SPATA3: variants seen among roughly 807,000 people sequenced by gnomAD.
SPATA3 encodes spermatogenesis-associated protein 3.
In SPATA3, 6 loss-of-function variants were observed where a neutral mutation model predicts 5.7. That is an observed-to-expected ratio of 1.06 (90% CI 0.58 to 2.09). The LOEUF is 2.09. SPATA3 is among the 30% of genes most tolerant of loss of function. SPATA3 has a pLI of 0.00. For missense variants in SPATA3, 155 were observed against 130.4 expected, an observed-to-expected ratio of 1.19 and a Z score of -0.92; for synonymous variants, 44 against 48.4, an observed-to-expected ratio of 0.91 and a Z score of 0.37.
intron 6 of SPATA3, among the ~76,000 whole-genome samples, chr2:231,019,127 T>C (rs1176029747): frequency 7.7e-5 from 8 of 103,942 alleles, no homozygotes; most frequent in Non-Finnish European, 1.4e-4. Context: ...CCACAACGCT[T>C]GGCTAATTTT....
At chr2:231,010,220 G>A (rs773775232), downstream of SPATA3, among the ~76,000 whole-genome samples, 4 of 152,230 alleles carry the variant, frequency 2.6e-5, no homozygotes, top group Non-Finnish European at 4.4e-5. Context: ...ACACATGGGA[G>A]CCTTCAGAAT....
intron 1 of SPATA3, chr2:230,996,129 GC>G: frequency 8.0e-7 from 1 of 1,254,322 alleles, no homozygotes; most frequent in Admixed American, 2.8e-5. Context: ...CCAGCTGGAG[GC>G]CCAAGCCAGG....
chr2:231,010,333 A>G (rs575830601), downstream of SPATA3, among the ~76,000 whole-genome samples: 7 of 152,340 alleles, frequency 4.6e-5, no homozygotes, highest in South Asian at 1.5e-3. Context: ...ATCTAATGCT[A>G]ATAGACTATG....
intron 2 of SPATA3, among the ~76,000 whole-genome samples, chr2:231,001,031 C>T (rs955634057): frequency 6.6e-6 from 1 of 152,204 alleles, no homozygotes; most frequent in Non-Finnish European, 1.5e-5. Flanking sequence ...CTCCTCCACA[C>T]AATAGCAAGA....
At chr2:231,000,480 C>G (rs1339040207) in exon 2 of SPATA3, 1 of 1,550,036 alleles carries the variant, frequency 6.5e-7, no homozygotes, top group Non-Finnish European at 8.7e-7. Context: ...GTCCTTCTGC[C>G]TCGGGACTGG....
downstream of SPATA3, among the ~76,000 whole-genome samples, chr2:231,011,857 C>T (rs1189641304): frequency 6.6e-6 from 1 of 152,322 alleles, no homozygotes; most frequent in African/African-American, 2.4e-5. Flanking sequence ...GCTCTGGCTT[C>T]GCTGGGAAAC....
At chr2:231,000,483 G>T in exon 2 of SPATA3, 2 of 1,549,422 alleles carry the variant, frequency 1.3e-6, no homozygotes, top group Non-Finnish European at 1.7e-6. Context: ...CTTCTGCCTC[G>T]GGACTGGCAG....
downstream of SPATA3, among the ~76,000 whole-genome samples, chr2:231,004,417 G>C (rs11679650): frequency 0.014 from 2,201 of 152,214 alleles, 24 homozygotes; most frequent in Non-Finnish European, 0.02. Context: ...TAGAGCTGCC[G>C]GCTCCTTTCT....
At chr2:231,005,257 CATCATTACCATCAT>C, downstream of SPATA3, among the ~76,000 whole-genome samples, 1 of 120,036 alleles carries the variant, frequency 8.3e-6, no homozygotes, top group Non-Finnish European at 1.8e-5. Context: ...TCACCACCAT[CATCATTACCATCAT>C]CACCATCACC....
intron 2 of SPATA3, among the ~76,000 whole-genome samples, chr2:231,001,924 C>A (rs960083126): frequency 6.6e-6 from 1 of 152,208 alleles, no homozygotes; most frequent in Non-Finnish European, 1.5e-5. Flanking sequence ...TTCCTGTCAA[C>A]AGCATGTGAG....
At chr2:231,005,496 C>T (rs201919244), downstream of SPATA3, among the ~76,000 whole-genome samples, 23 of 52,850 alleles carry the variant, frequency 4.4e-4, no homozygotes, top group East Asian at 6.6e-4. Context: ...ACCATCACCA[C>T]CATCATCACC....
At chr2:230,997,768 T>A (rs528161929) in intron 1 of SPATA3, among the ~76,000 whole-genome samples, 7 of 152,210 alleles carry the variant, frequency 4.6e-5, no homozygotes, top group African/African-American at 1.7e-4. Context: ...TCAAGTGGAG[T>A]TCAGGAGGTG....
rs367718469 is a variant in SPATA3 at position 230,996,243 on chromosome 2, G to C, written c.791-4123G>C. 202 of 1,550,554 alleles carry C rather than the reference G, an allele frequency of 1.3e-4. 1 individual carries two copies. Among genetic ancestry groups the C allele is most frequent in the South Asian group, 4.6e-4 (39 of 83,982 alleles). On this transcript the variant is annotated intron_variant, in intron 1 of 2. Transcript: ENST00000645363. Reference sequence around the variant, plus strand: ...GTTGGGAGGATCTACCATGAAGAAGGTCAAGAAGAAAAGGTCAGAGGCCAG... The same window carrying C: ...GTTGGGAGGATCTACCATGAAGAAGCTCAAGAAGAAAAGGTCAGAGGCCAG...
At chr2:231,005,097 TCATCAC>T (rs1574664032), downstream of SPATA3, among the ~76,000 whole-genome samples, 4 of 14,514 alleles carry the variant, frequency 2.8e-4, no homozygotes, top group East Asian at 7.3e-3. Context: ...ATCACCATCC[TCATCAC>T]CATCACCATC....
intron 6 of SPATA3, among the ~76,000 whole-genome samples, chr2:231,019,108 A>G (rs112483840): frequency 1.4e-5 from 2 of 146,358 alleles, no homozygotes; most frequent in African/African-American, 5.1e-5. Context: ...CTGCGACTAC[A>G]GGCGCCCGCC....
downstream of SPATA3, among the ~76,000 whole-genome samples, chr2:231,009,671 G>T (rs1028797559): frequency 6.6e-6 from 1 of 152,210 alleles, no homozygotes; most frequent in African/African-American, 2.4e-5. Flanking sequence ...CATGCTAAAC[G>T]ACCACATGCC....
In SPATA3 at chr2:231,013,462, G is replaced by A. The variant is rs142225606; in HGVS notation, c.*227-412G>A. Among the ~76,000 whole-genome samples, 4 of 152,012 alleles carry A rather than the reference G, an allele frequency of 2.6e-5. No individual in the cohort carries two copies. The East Asian group carries it at 7.7e-4, about 29-fold the overall frequency. ...GTGTTTATCTACTCACCTGTTAATG[G>A]ACATTCAGATTGGTTCCAGTTTTTA... is the stretch of plus-strand genomic sequence containing the variant. On this transcript the variant is annotated intron_variant, in intron 5 of 8. Coordinates refer to the SPATA3 transcript ENST00000452881.
downstream of SPATA3, among the ~76,000 whole-genome samples, chr2:231,005,526 CCACCATCAT>C (rs1692582501): frequency 3.6e-4 from 1 of 2,766 alleles, no homozygotes; most frequent in African/African-American, 1.7e-3. Context: ...ATCACCACCA[CCACCATCAT>C]CACCACCATC....
chr2:231,013,239 T>G (rs760140443), intron 5 of SPATA3, among the ~76,000 whole-genome samples: 1 of 152,168 alleles, frequency 6.6e-6, no homozygotes, highest in Non-Finnish European at 1.5e-5. Flanking sequence ...ATTTGATTGC[T>G]GTCACGACAG....
Sources: gnomAD v4.1 joint callset for allele counts (sites outside exome capture counted in the v4.1 genomes callset) on GRCh38, gnomAD v4.1.1 for gene constraint, MANE v1.5 for transcripts, NCBI Gene and HGNC (gene_info 2026-07-23, HGNC 2026-07-21) for gene names.